SYNE3: variants seen among roughly 807,000 people sequenced by gnomAD.
SYNE3 encodes the protein spectrin repeat containing nuclear envelope family member 3.
A neutral mutation model predicts 111.2 loss-of-function variants in SYNE3; 100 were observed. That is an observed-to-expected ratio of 0.90 (90% confidence interval 0.77 to 1.06). The LOEUF (loss-of-function observed/expected upper bound fraction) is 1.06, where lower values mean the gene tolerates loss of function less well. Among genes scored for constraint, SYNE3 ranks in the 50% least tolerant of loss-of-function variants. SYNE3 has a pLI of 0.00. For synonymous variants in SYNE3, 547 were observed against 533.9 expected, an observed-to-expected ratio of 1.02 and a Z score of -0.34; for missense variants, 1,160 against 1,240.3, an observed-to-expected ratio of 0.94 and a Z score of 0.97.
chr14:95,478,428 C>T (rs373541373), intron 1 of SYNE3, among the ~76,000 whole-genome samples: 74 of 152,278 alleles, frequency 4.9e-4, no homozygotes, highest in East Asian at 3.3e-3. Flanking sequence ...GACCCCTGCA[C>T]GCCAGGTCCT....
chr14:95,434,532 A>G (rs978298904), intron 15 of SYNE3, among the ~76,000 whole-genome samples: 4 of 152,160 alleles, frequency 2.6e-5, no homozygotes, highest in African/African-American at 9.7e-5. Context: ...AGCCCAGTTC[A>G]AAGTCATCTT....
intron 10 of SYNE3, chr14:95,443,931 G>A (rs1461385932): frequency 2.0e-5 from 3 of 153,012 alleles, no homozygotes; most frequent in African/African-American, 7.2e-5. Context: ...CCAAAGTGCT[G>A]GGATTACAGG....
chr14:95,432,975 C>T (rs973033700), intron 16 of SYNE3, among the ~76,000 whole-genome samples: 5 of 152,118 alleles, frequency 3.3e-5, no homozygotes, highest in African/African-American at 1.2e-4. Context: ...GCACACAGGG[C>T]CCTCGGCTTG....
rs149305277 is a variant in SYNE3 at position 95,507,835 on chromosome 14, G to A, written c.-15+8761C>T. Among the ~76,000 whole-genome samples the A allele has an allele frequency of 3.3e-4, 50 of 152,306 alleles. No individual in the cohort carries two copies. The East Asian group carries it at 7.9e-3, about 24-fold the overall frequency. On this transcript the variant is annotated intron_variant, in intron 1 of 17. Transcript: ENST00000682763. The stretch of plus-strand genomic sequence containing the variant: ...TCTCAACAGCTAGTGAACAAGTGGC[G>A]GAGGGGTTTCCCTAGGAGAAAAGGA...
chr14:95,440,131 C>A (rs1886333746), intron 11 of SYNE3, 56 bp from the exon 12 acceptor site: 2 of 1,524,324 alleles, frequency 1.3e-6, no homozygotes, highest in African/African-American at 2.7e-5. Context: ...AGGGGGAGAC[C>A]CCCGCACCAC....
rs1903621349 is a variant in SYNE3, at chr14:95,417,620, T to C, written c.*206A>G. 1.6e-6 allele frequency: 1 copy of C among 606,402 alleles called. No homozygotes were observed. Among genetic ancestry groups the C allele is most frequent in the African/African-American group, 1.9e-5 (1 of 54,042 alleles). 37.6% of individuals were successfully genotyped at this position (606,402 alleles called of 1,614,324 possible). The stretch of plus-strand genomic sequence containing the variant: ...TTCTAGACATTATTCCCTAGTCACA[T>C]GTAGTACACATTTAGTATAAATAGA... On this transcript the variant is annotated 3_prime_UTR_variant, in exon 18 of 18. Transcript: ENST00000682763.
rs949341822 is a variant in SYNE3, at chr14:95,440,183, G to A, written c.1912-108C>T. 4.5e-6 allele frequency: 6 copies of A among 1,322,426 alleles called. No homozygotes were observed. The Admixed American group carries it at 1.2e-4, about 26-fold the overall frequency. The allele number at this position is 1,322,426 out of a possible 1,614,324, so 81.9% of individuals were successfully genotyped here. A position where few individuals can be genotyped will look rare whatever the true frequency, so the allele number is the denominator to read the frequency against. The stretch of plus-strand genomic sequence containing the variant: ...TCTCACACCCGCTGGGGACCCCAGG[G>A]CTCCCCACCAAGTAGCACCACAAGA... On this transcript the variant is annotated intron_variant, in intron 11 of 17. Transcript: ENST00000682763.
intron 7 of SYNE3, 199 bp downstream of exon 7, chr14:95,452,048 T>C: frequency 1.8e-6 from 1 of 553,066 alleles, no homozygotes; most frequent in Non-Finnish European, 2.9e-6. Context: ...TCAGGCCTCT[T>C]TCTGGGAGCA....
At chr14:95,463,891 A>G (rs1477884638) in intron 4 of SYNE3, among the ~76,000 whole-genome samples, 1 of 152,274 alleles carries the variant, frequency 6.6e-6, no homozygotes, top group African/African-American at 2.4e-5. Context: ...TACTGAGAGT[A>G]GAAGTCGTTC....
intron 2 of SYNE3, among the ~76,000 whole-genome samples, chr14:95,471,529 A>G (rs1157720288): frequency 6.6e-6 from 1 of 152,222 alleles, no homozygotes; most frequent in Non-Finnish European, 1.5e-5. Flanking sequence ...CCCGACCTGG[A>G]GAAGAAACGT....
chr14:95,421,317 G>A (rs1299747009), intron 17 of SYNE3, among the ~76,000 whole-genome samples: 2 of 152,160 alleles, frequency 1.3e-5, no homozygotes, highest in Non-Finnish European at 2.9e-5. Context: ...CTGACCAAGA[G>A]TCCTCCAAGG....
chr14:95,460,289 C>T (rs1240210413), intron 4 of SYNE3, among the ~76,000 whole-genome samples: 6 of 151,586 alleles, frequency 4.0e-5, no homozygotes, highest in Non-Finnish European at 5.9e-5. Flanking sequence ...ACTGTAACCT[C>T]TGCCTCCTGG....
At chr14:95,461,843 G>C (rs572928179) in intron 4 of SYNE3, among the ~76,000 whole-genome samples, 4 of 152,358 alleles carry the variant, frequency 2.6e-5, no homozygotes, top group African/African-American at 4.8e-5. Context: ...CTGGGAGGCT[G>C]GGACCACCAA....
intron 17 of SYNE3, among the ~76,000 whole-genome samples, chr14:95,424,072 G>A (rs139366674): frequency 1.3e-5 from 2 of 152,248 alleles, no homozygotes; most frequent in Non-Finnish European, 2.9e-5. Context: ...GGCAGTTGAG[G>A]TTTTAGGACT....
intron 17 of SYNE3, 65 bp from the exon 18 acceptor site, chr14:95,418,091 G>C: frequency 6.4e-7 from 1 of 1,555,744 alleles, no homozygotes; most frequent in Non-Finnish European, 8.8e-7. Context: ...GCAGGTTCAG[G>C]GGGCGAGGAG....
At chr14:95,507,073 C>T (rs1407846569) in intron 1 of SYNE3, among the ~76,000 whole-genome samples, 2 of 152,230 alleles carry the variant, frequency 1.3e-5, no homozygotes, top group Non-Finnish European at 2.9e-5. Flanking sequence ...GAGCGCGGCA[C>T]CTGCACCCCC....
At chr14:95,419,428 A>G (rs934006433) in intron 17 of SYNE3, among the ~76,000 whole-genome samples, 10 of 152,156 alleles carry the variant, frequency 6.6e-5, no homozygotes, top group Non-Finnish European at 1.2e-4. Context: ...AGTTCTTACT[A>G]TTAGTACTAT....
rs760607047 is a variant in SYNE3, at chr14:95,467,961, A to G, written c.151T>C (p.Cys51Arg). ...EARLWETEKICQLEPEGRVRV... is the reference protein window; with the variant it reads ...EARLWETEKIRQLEPEGRVRV... ...ACACGCCCCTCGGGCTCCAGCTGGC[A>G]TATTTTCTGTTGTGGACACACAAGC... The change falls in exon 3 of 18, where the codon TGC (cysteine) becomes CGC (arginine). Residue 51 changes from cysteine to arginine, a missense_variant. By Grantham distance (180) the Cys-to-Arg change is radical (BLOSUM62 -3). Transcript: ENST00000682763. 16 of 1,610,716 alleles carry G rather than the reference A, an allele frequency of 9.9e-6. No homozygotes were observed. Among genetic ancestry groups the G allele is most frequent in the Non-Finnish European group, 8.5e-6 (10 of 1,177,986 alleles).
intron 2 of SYNE3, 99 bp from the exon 3 acceptor site, chr14:95,468,066 G>A (rs538252335): frequency 1.3e-4 from 174 of 1,372,764 alleles, no homozygotes; most frequent in Non-Finnish European, 1.6e-4. Context: ...AGGACTCGAA[G>A]GCCAGAGGAT....
Sources: gnomAD v4.1 joint callset for allele counts (sites outside exome capture counted in the v4.1 genomes callset) on GRCh38, gnomAD v4.1.1 for gene constraint, MANE v1.5 for transcripts, NCBI Gene and HGNC (gene_info 2026-07-23, HGNC 2026-07-21) for gene names.